Variants in MAOB observed in about 807,000 individuals in gnomAD.
MAOB encodes amine oxidase [flavin-containing] B.
MAOB carries 15 observed loss-of-function variants against 41.9 expected under a neutral mutation model. That is an observed-to-expected ratio of 0.36 (90% confidence interval 0.24 to 0.55). MAOB has a LOEUF of 0.55. MAOB is among the 20% of genes least tolerant of loss of function. MAOB has a pLI of 0.86. For synonymous variants in MAOB, 167 were observed against 144.2 expected (o/e 1.16, Z -1.13); for missense variants, 345 against 398.7 (o/e 0.87, Z 1.15).
intron 12 of MAOB, among the ~76,000 whole-genome samples, chrX:43,770,040 C>T (rs1025151642): frequency 1.8e-5 from 2 of 111,074 alleles, no homozygotes; most frequent in Non-Finnish European, 3.8e-5. Context: ...TGTGATGAAC[C>T]ACGCAGGCCC....
Position 43,882,320 on chromosome X carries a change from C to G in MAOB, c.-21G>C. 1 of 1,202,938 alleles carries G rather than the reference C, an allele frequency of 8.3e-7. No homozygotes were observed. The highest frequency in any genetic ancestry group is 1.7e-5 in the African/African-American group (1 of 57,618). On this transcript the variant is annotated 5_prime_UTR_variant, in exon 1 of 15. Transcript: ENST00000378069. ...CTCATGGCGCTCGCCCCGTTCCAGG[C>G]CTCCCTGGTGCCCGCTGCTCCGTTT...
At chrX:43,777,560 A>G (rs1458056964) in intron 11 of MAOB, among the ~76,000 whole-genome samples, 1 of 111,794 alleles carries the variant, frequency 8.9e-6, no homozygotes, top group African/African-American at 3.3e-5. Flanking sequence ...GCTTTAAAAT[A>G]GTGAACAAAA....
intron 3 of MAOB, among the ~76,000 whole-genome samples, chrX:43,828,818 C>T (rs1218519131): frequency 8.9e-6 from 1 of 112,075 alleles, no homozygotes; most frequent in Non-Finnish European, 1.9e-5. Context: ...CTTGTACTTA[C>T]TTCAATGCTC....
Position 43,788,451 on chromosome X carries a change from T to C in MAOB, c.928+4968A>G, listed in dbSNP as rs192607766. 1.1e-3 allele frequency among the ~76,000 whole-genome samples: 118 copies of C among 112,055 alleles called. 1 individual carries two copies. The highest frequency in any genetic ancestry group is 3.7e-3 in the African/African-American group (113 of 30,860). The stretch of plus-strand genomic sequence containing the variant: ...CAAAAATTTCACAGGTCTACCCAAA[T>C]CAATTGACTTGATAATTCCATCCTA... On this transcript the variant is annotated intron_variant, in intron 8 of 14. Coordinates refer to ENST00000378069, the MANE Select transcript of MAOB (RefSeq NM_000898.5).
intron 8 of MAOB, among the ~76,000 whole-genome samples, chrX:43,784,096 T>C (rs774790513): frequency 3.8e-4 from 43 of 112,245 alleles, no homozygotes; most frequent in African/African-American, 1.4e-3. Context: ...ATGATTCTAA[T>C]TCTCTTGCTA....
chrX:43,794,155 G>A (rs183572814), intron 7 of MAOB, among the ~76,000 whole-genome samples: 4 of 111,768 alleles, frequency 3.6e-5, no homozygotes, highest in African/African-American at 6.5e-5. Context: ...GATTACAGGC[G>A]TTAGCCACCA....
intron 1 of MAOB, among the ~76,000 whole-genome samples, chrX:43,879,221 T>C (rs922400095): frequency 2.7e-5 from 3 of 112,048 alleles, no homozygotes; most frequent in African/African-American, 9.7e-5. Context: ...AAAAAGTTAG[T>C]CTACAACTAT....
intron 3 of MAOB, among the ~76,000 whole-genome samples, chrX:43,824,298 T>C (rs1435592332): frequency 8.9e-6 from 1 of 112,517 alleles, no homozygotes; most frequent in Non-Finnish European, 1.9e-5. Context: ...GTGAGCCACA[T>C]AGTCTAAAAA....
At chrX:43,802,756 A>T (rs113657797) in intron 4 of MAOB, among the ~76,000 whole-genome samples, 4,364 of 107,801 alleles carry the variant, frequency 0.04, 255 homozygotes, top group African/African-American at 0.14. Context: ...AGGGAGGGGA[A>T]CATCACACAC....
At chrX:43,861,966 C>G (rs1056607961) in intron 1 of MAOB, among the ~76,000 whole-genome samples, 1 of 110,026 alleles carries the variant, frequency 9.1e-6, no homozygotes, top group African/African-American at 3.3e-5. Context: ...GAGTCAGCAA[C>G]CCAAGTTGAA....
intron 1 of MAOB, among the ~76,000 whole-genome samples, chrX:43,880,172 T>C (rs942064910): frequency 8.9e-6 from 1 of 112,410 alleles, no homozygotes; most frequent in African/African-American, 3.2e-5. Flanking sequence ...CATCTTTTAT[T>C]TCTTTTGGGA....
chrX:43,832,960 C>T (rs1464880174), intron 3 of MAOB, among the ~76,000 whole-genome samples: 2 of 111,179 alleles, frequency 1.8e-5, no homozygotes, highest in Non-Finnish European at 3.8e-5. Flanking sequence ...ATCTTGAACT[C>T]GATTTTTCCA....
chrX:43,872,385 G>A (rs1247181970), intron 1 of MAOB, among the ~76,000 whole-genome samples: 3 of 111,639 alleles, frequency 2.7e-5, no homozygotes, highest in Non-Finnish European at 5.6e-5. Flanking sequence ...CTGGGGGATC[G>A]TTGGGTGGGG....
At chrX:43,775,411 A>G in intron 11 of MAOB, 139 bp from the exon 12 acceptor site, 8 of 996,265 alleles carry the variant, frequency 8.0e-6, no homozygotes, top group Non-Finnish European at 1.0e-5. Context: ...TGATGTTTTT[A>G]AAGATATGTC....
intron 3 of MAOB, among the ~76,000 whole-genome samples, chrX:43,814,393 C>A (rs749161730): frequency 5.1e-4 from 57 of 111,939 alleles, no homozygotes; most frequent in Non-Finnish European, 7.5e-5. Flanking sequence ...TTTTTATTTT[C>A]TAATATCCAT....
intron 3 of MAOB, among the ~76,000 whole-genome samples, chrX:43,822,749 T>C (rs2034897273): frequency 9.0e-6 from 1 of 111,494 alleles, no homozygotes; most frequent in Non-Finnish European, 1.9e-5. Flanking sequence ...TGAAAAGCCA[T>C]TTCAAAGGAG....
intron 5 of MAOB, among the ~76,000 whole-genome samples, chrX:43,798,902 G>A (rs1313222109): frequency 9.0e-6 from 1 of 111,420 alleles, no homozygotes; most frequent in Non-Finnish European, 1.9e-5. Context: ...AGAAAACGGA[G>A]TCTCGGACAG....
At chrX:43,810,358 A>G (rs1313029691) in intron 3 of MAOB, among the ~76,000 whole-genome samples, 1 of 110,425 alleles carries the variant, frequency 9.1e-6, no homozygotes, top group African/African-American at 3.3e-5. Context: ...CGCAAAATGT[A>G]AATTAATGTC....
At chrX:43,823,102 A>C (rs1190091019) in intron 3 of MAOB, among the ~76,000 whole-genome samples, 2 of 109,393 alleles carry the variant, frequency 1.8e-5, no homozygotes, top group African/African-American at 6.7e-5. Flanking sequence ...TAGCGAGTTC[A>C]GAATTCAAAC....
Sources: gnomAD v4.1 joint callset for allele counts (sites outside exome capture counted in the v4.1 genomes callset) on GRCh38, gnomAD v4.1.1 for gene constraint, MANE v1.5 for transcripts, NCBI Gene and HGNC (gene_info 2026-07-23, HGNC 2026-07-21) for gene names.